The following BMERB1 variants were observed in gnomAD, a reference collection of about 807,000 sequenced individuals.
BMERB1 encodes the protein bMERB domain containing 1.
Under a neutral mutation model 23.6 loss-of-function variants are expected in BMERB1, and 12 were observed. The ratio of observed to expected loss-of-function variants is 0.51; its 90% CI spans 0.33 to 0.82. The LOEUF is 0.82. Ranked by LOEUF, BMERB1 falls within the 40% of genes least tolerant of loss-of-function variation. The pLI is 0.03. For missense variants in BMERB1, 247 were observed against 255.4 expected, an observed-to-expected ratio of 0.97 and a Z score of 0.22; for synonymous variants, 122 against 96.6, an observed-to-expected ratio of 1.26 and a Z score of -1.54.
chr16:15,511,745 C>G (rs559106106), intron 1 of BMERB1, among the ~76,000 whole-genome samples: 20 of 152,202 alleles, frequency 1.3e-4, no homozygotes, highest in African/African-American at 4.8e-4. Flanking sequence ...GGCACGGTGG[C>G]TCGCGCCTGT....
chr16:15,573,331 T>A (rs1392622369), intron 3 of BMERB1, among the ~76,000 whole-genome samples: 1 of 152,184 alleles, frequency 6.6e-6, no homozygotes, highest in Non-Finnish European at 1.5e-5. Context: ...AAAGAGTAAT[T>A]CATGCATAGC....
At chr16:15,535,451 T>G (rs2150960988) in intron 2 of BMERB1, among the ~76,000 whole-genome samples, 1 of 151,940 alleles carries the variant, frequency 6.6e-6, no homozygotes, top group South Asian at 2.1e-4. Context: ...ATGGAGACCA[T>G]CCTGGCCAAC....
At chr16:15,512,983 C>A (rs2051690778) in intron 1 of BMERB1, among the ~76,000 whole-genome samples, 1 of 152,020 alleles carries the variant, frequency 6.6e-6, no homozygotes, top group East Asian at 1.9e-4. Context: ...AAGACAGACG[C>A]CCTTGTAGAA....
chr16:15,560,678 A>G (rs1278546426), intron 2 of BMERB1, among the ~76,000 whole-genome samples: 1 of 151,908 alleles, frequency 6.6e-6, no homozygotes, highest in Non-Finnish European at 1.5e-5. Context: ...CTGTAGTCCC[A>G]GCTACTCTGG....
At chr16:15,586,458 C>T (rs1269999192) in intron 5 of BMERB1, among the ~76,000 whole-genome samples, 2 of 152,190 alleles carry the variant, frequency 1.3e-5, no homozygotes. Flanking sequence ...ATGATAACAG[C>T]TGACTAGGAG....
intron 1 of BMERB1, among the ~76,000 whole-genome samples, chr16:15,436,257 C>CTT (rs35697186): frequency 3.5e-5 from 4 of 114,632 alleles, no homozygotes; most frequent in Admixed American, 9.6e-5. Context: ...TTTAGTTTAG[C>CTT]TTTTTTTTTT....
intron 1 of BMERB1, among the ~76,000 whole-genome samples, chr16:15,440,818 T>G (rs796323295): frequency 2.0e-5 from 3 of 152,246 alleles, no homozygotes; most frequent in African/African-American, 7.2e-5. Context: ...TAGGGGAAGT[T>G]AAGACCTGGG....
chr16:15,556,394 C>CA (rs1216633984), intron 2 of BMERB1, among the ~76,000 whole-genome samples: 1 of 152,004 alleles, frequency 6.6e-6, no homozygotes, highest in East Asian at 1.9e-4. Flanking sequence ...AACCCCAAGA[C>CA]AAAGGTGTAA....
At chr16:15,532,889 G>A (rs893433096) in intron 2 of BMERB1, 30 of 415,472 alleles carry the variant, frequency 7.2e-5, no homozygotes, top group Non-Finnish European at 1.3e-4. Flanking sequence ...CTTGGATGGG[G>A]TTGCTTTCTG....
intron 2 of BMERB1, among the ~76,000 whole-genome samples, chr16:15,521,433 G>C (rs1461921344): frequency 6.6e-6 from 1 of 152,210 alleles, no homozygotes; most frequent in Non-Finnish European, 1.5e-5. Context: ...ACCTAGGCTT[G>C]TGCTAAGCCC....
chr16:15,549,983 T>C (rs1185892383), intron 2 of BMERB1, among the ~76,000 whole-genome samples: 1 of 152,028 alleles, frequency 6.6e-6, no homozygotes, highest in Non-Finnish European at 1.5e-5. Context: ...GCAGTCTTGC[T>C]CTGTCGCCCA....
At chr16:15,559,162 CTATG>C (rs1412610381) in intron 2 of BMERB1, among the ~76,000 whole-genome samples, 3 of 152,134 alleles carry the variant, frequency 2.0e-5, no homozygotes, top group Non-Finnish European at 2.9e-5. Context: ...ACATACGTGA[CTATG>C]GTAATGGTTG....
intron 1 of BMERB1, among the ~76,000 whole-genome samples, chr16:15,508,624 G>A (rs114028958): frequency 0.014 from 2,095 of 152,066 alleles, 54 homozygotes; most frequent in African/African-American, 0.049. Context: ...GGAGTTGGGA[G>A]ACCAGCCTGG....
intron 1 of BMERB1, among the ~76,000 whole-genome samples, chr16:15,468,126 T>TTTCTTC (rs368345535): frequency 3.0e-5 from 3 of 98,652 alleles, no homozygotes; most frequent in African/African-American, 3.5e-5. Context: ...TCTTTCTTTC[T>TTTCTTC]TTCTTCTTCT....
intron 1 of BMERB1, among the ~76,000 whole-genome samples, chr16:15,505,432 T>C (rs2051577411): frequency 6.6e-6 from 1 of 152,242 alleles, no homozygotes; most frequent in African/African-American, 2.4e-5. Context: ...AAATTCAAGC[T>C]TCATTCTGAA....
chr16:15,580,211 C>T (rs1472690247), intron 3 of BMERB1, among the ~76,000 whole-genome samples: 2 of 151,922 alleles, frequency 1.3e-5, no homozygotes, highest in Non-Finnish European at 2.9e-5. Context: ...ATCCACCCAC[C>T]TCAGCCTCCC....
chr16:15,501,801 A>G (rs2051533231), intron 1 of BMERB1, among the ~76,000 whole-genome samples: 1 of 151,788 alleles, frequency 6.6e-6, no homozygotes, highest in South Asian at 2.1e-4. Flanking sequence ...TATTTTTAGT[A>G]GAGATGGGGT....
chr16:15,458,578 A>T (rs555682115), intron 1 of BMERB1, among the ~76,000 whole-genome samples: 3 of 151,838 alleles, frequency 2.0e-5, no homozygotes, highest in African/African-American at 7.3e-5. Flanking sequence ...TTAGCTGAGT[A>T]TGGTGGTGCA....
chr16:15,469,716 T>C (rs1222128273), intron 1 of BMERB1, among the ~76,000 whole-genome samples: 1 of 152,212 alleles, frequency 6.6e-6, no homozygotes, highest in East Asian at 1.9e-4. Context: ...TTGATAAATT[T>C]ATATTTAGGT....
Sources: allele counts gnomAD v4.1 joint callset (sites outside exome capture counted in the v4.1 genomes callset), GRCh38; gene constraint gnomAD v4.1.1; transcripts MANE v1.5; gene names NCBI Gene and HGNC (gene_info 2026-07-23, HGNC 2026-07-21).